Variants in MPC2 observed in about 807,000 individuals in gnomAD.
MPC2 encodes mitochondrial pyruvate carrier 2, also known as brain protein 44.
MPC2 carries 19 observed loss-of-function variants against 19.2 expected under a neutral mutation model. The ratio of observed to expected loss-of-function variants is 0.99; its 90% CI spans 0.69 to 1.45. The LOEUF is 1.45. Ranked by LOEUF, MPC2 falls within the 40% of genes most tolerant of loss-of-function variation. The pLI, the probability that MPC2 is intolerant of heterozygous loss-of-function variation, is 0.00. For missense variants in MPC2, 122 were observed against 153.0 expected (o/e 0.80, Z 1.07); for synonymous variants, 61 against 54.3 (o/e 1.12, Z -0.54).
intron 2 of MPC2, among the ~76,000 whole-genome samples, chr1:167,929,864 T>C (rs1431205459): frequency 6.6e-6 from 1 of 152,200 alleles, no homozygotes; most frequent in Admixed American, 6.5e-5. Context: ...GGTCATAAAA[T>C]CACTACATTT....
At chr1:167,929,014 G>A (rs1670829902) in intron 2 of MPC2, among the ~76,000 whole-genome samples, 1 of 152,198 alleles carries the variant, frequency 6.6e-6, no homozygotes, top group South Asian at 2.1e-4. Flanking sequence ...GGATGTTGAA[G>A]AAGGCCTCCA....
At chr1:167,936,145 T>G (rs1044731715) in intron 1 of MPC2, 11 of 348,682 alleles carry the variant, frequency 3.2e-5, no homozygotes, top group African/African-American at 8.7e-5. Flanking sequence ...AAGTCTGCGC[T>G]GCGCCCTGCT....
At chr1:167,932,941 T>C (rs910158993) in intron 2 of MPC2, among the ~76,000 whole-genome samples, 6 of 152,138 alleles carry the variant, frequency 3.9e-5, no homozygotes, top group Admixed American at 6.6e-5. Flanking sequence ...CATATTTTTA[T>C]AGTCAGGTGG....
At chr1:167,931,666 A>T (rs1345112638) in intron 2 of MPC2, among the ~76,000 whole-genome samples, 1 of 152,126 alleles carries the variant, frequency 6.6e-6, no homozygotes, top group Non-Finnish European at 1.5e-5. Flanking sequence ...AATTCAAACT[A>T]TGTAGGTACG....
intron 2 of MPC2, among the ~76,000 whole-genome samples, chr1:167,925,461 A>ATC (rs1670720365): frequency 8.7e-6 from 1 of 114,286 alleles, no homozygotes; most frequent in African/African-American, 4.0e-5. Context: ...ATATATATAT[A>ATC]TATATATATA....
rs753860575 is a variant in MPC2, at chr1:167,920,000, G to C, written c.326C>G (p.Ser109Cys). Residue 109 changes from serine (S) to cysteine (C), a missense_variant, in exon 5 of 6, where the codon TCT becomes TGT. Ser to Cys is a moderately radical substitution (Grantham distance 112). Transcript: ENST00000271373. Reference protein sequence around the residue: ...VNFFVGAAGASQLFRIWRYNQ... With the variant: ...VNFFVGAAGACQLFRIWRYNQ... ...TTACCTCCAAATACGAAAAAGCTGA[G>C]AGGCTCCTGCTGCCCCCACAAAGAA... is the stretch of plus-strand genomic sequence containing the variant. 3.1e-6 allele frequency: 5 copies of C among 1,611,944 alleles called. No homozygotes were observed. The Admixed American group carries it at 8.4e-5, about 27-fold the overall frequency.
intron 2 of MPC2, among the ~76,000 whole-genome samples, chr1:167,932,177 C>G (rs2102557561): frequency 6.6e-6 from 1 of 152,294 alleles, no homozygotes; most frequent in Admixed American, 6.5e-5. Context: ...TTTTTAGACT[C>G]TTTAGAGCTG....
intron 2 of MPC2, among the ~76,000 whole-genome samples, chr1:167,930,221 A>G (rs569699228): frequency 2.9e-4 from 44 of 152,332 alleles, no homozygotes; most frequent in African/African-American, 1.0e-3. Flanking sequence ...AAAAATGTTG[A>G]CTGAAAATAC....
intron 1 of MPC2, chr1:167,936,738 G>A (rs1464153372): frequency 6.6e-6 from 4 of 603,262 alleles, no homozygotes; most frequent in Non-Finnish European, 5.9e-6. Context: ...GCCCGGGTGC[G>A]GCCGGGCTTC....
intron 2 of MPC2, among the ~76,000 whole-genome samples, chr1:167,929,299 C>A (rs1297230576): frequency 6.6e-6 from 1 of 151,868 alleles, no homozygotes; most frequent in Non-Finnish European, 1.5e-5. Context: ...GCAGAGGTTG[C>A]AGTGAGCCGA....
At chr1:167,927,420 C>A (rs1670788194) in intron 2 of MPC2, among the ~76,000 whole-genome samples, 1 of 152,216 alleles carries the variant, frequency 6.6e-6, no homozygotes, top group African/African-American at 2.4e-5. Flanking sequence ...GTGTCTCTGG[C>A]TCATACACAG....
intron 2 of MPC2, among the ~76,000 whole-genome samples, chr1:167,928,894 C>T (rs1465250863): frequency 6.6e-6 from 1 of 152,156 alleles, no homozygotes; most frequent in Non-Finnish European, 1.5e-5. Context: ...CCTCATAAGA[C>T]ATTAATTTAT....
intron 2 of MPC2, among the ~76,000 whole-genome samples, chr1:167,931,178 C>A (rs1447716490): frequency 1.3e-5 from 2 of 152,176 alleles, no homozygotes; most frequent in Non-Finnish European, 2.9e-5. Flanking sequence ...GTGATCCACA[C>A]GCCTCGGCCT....
rs1670469373 is a variant in MPC2 at position 167,917,051 on chromosome 1, C to CTT, written c.*1270_*1271dup. ...CTCAAAAAGTTGTTTTGTCTCATTT[C>CTT]TTCAAATTTTGAAATAACTTGCTTT... On this transcript the variant is annotated 3_prime_UTR_variant, in exon 6 of 6. Coordinates refer to ENST00000271373, the MANE Select transcript of MPC2 (RefSeq NM_001143674.4). 1 of 152,186 alleles carries CTT rather than the reference C, an allele frequency of 6.6e-6. No homozygotes were observed. Among genetic ancestry groups the CTT allele is most frequent in the African/African-American group, 2.4e-5 (1 of 41,446 alleles). 9.4% of individuals were successfully genotyped at this position (152,186 alleles called of 1,614,324 possible).
At position 167,918,320 on chromosome 1, in the gene MPC2, CTT is replaced by C. The variant is rs1670516732; in HGVS notation, c.*1_*2del. Reference sequence around the variant, plus strand: ...TAGATTGTTCAGGTGATCAGGAACTCTTTTATTTGTGTGCTTTAGCTTTTAGT... The same window carrying C: ...TAGATTGTTCAGGTGATCAGGAACTCTTATTTGTGTGCTTTAGCTTTTAGT... On this transcript the variant is annotated 3_prime_UTR_variant, in exon 6 of 6. Coordinates refer to ENST00000271373, the MANE Select transcript of MPC2 (RefSeq NM_001143674.4). 6 of 1,565,750 alleles carry C rather than the reference CTT, an allele frequency of 3.8e-6. No homozygotes were observed. The highest frequency in any genetic ancestry group is 5.3e-6 in the Non-Finnish European group (6 of 1,140,342).
chr1:167,927,104 G>A lies in MPC2; in HGVS notation c.110-2567C>T, dbSNP rs1471268193. Among the ~76,000 whole-genome samples the A allele has an allele frequency of 2.6e-5, 4 of 152,182 alleles. No individual in the cohort carries two copies. The East Asian group carries it at 7.7e-4, about 29-fold the overall frequency. On this transcript the variant is annotated intron_variant, in intron 2 of 5. Coordinates refer to ENST00000271373, the MANE Select transcript of MPC2 (RefSeq NM_001143674.4). ...ACTGAATTGGATCCACCATGTTCAG[G>A]ATAGATGCTAATCAAAGATATTCAA...
chr1:167,934,318 A>G (rs971518972), intron 2 of MPC2, among the ~76,000 whole-genome samples: 12 of 152,140 alleles, frequency 7.9e-5, no homozygotes, highest in Non-Finnish European at 7.3e-5. Context: ...CTAAAACACA[A>G]AGCTTATGAA....
chr1:167,919,177 G>A (rs1465286344), intron 5 of MPC2, among the ~76,000 whole-genome samples: 2 of 152,116 alleles, frequency 1.3e-5, no homozygotes, highest in Non-Finnish European at 1.5e-5. Context: ...ATGCAGGCAG[G>A]CTATTGGGTT....
At chr1:167,919,907 C>CA (rs199537893) in intron 5 of MPC2, 72 bp downstream of exon 5, 91,720 of 850,168 alleles carry the variant, frequency 0.11, 42 homozygotes, top group Non-Finnish European at 0.11. Context: ...GACCCCGTCT[C>CA]AAAAAAAAAA....
Sources: allele counts gnomAD v4.1 joint callset (sites outside exome capture counted in the v4.1 genomes callset), GRCh38; gene constraint gnomAD v4.1.1; transcripts MANE v1.5; gene names NCBI Gene and HGNC (gene_info 2026-07-23, HGNC 2026-07-21).